SLC35D4: variants seen among roughly 807,000 people sequenced by gnomAD.
SLC35D4 encodes UDP-N-acetylglucosamine transporter SLC35D4.
the SLC35D4 span, among the ~76,000 whole-genome samples, chr18:23,417,070 C>T: frequency 1.3e-5 from 2 of 152,104 alleles, no homozygotes; most frequent in Admixed American, 6.6e-5. Flanking sequence ...TGCAAACCCC[C>T]ATCTCTACAG....
the SLC35D4 span, among the ~76,000 whole-genome samples, chr18:23,423,600 A>G: frequency 1.3e-5 from 2 of 152,218 alleles, no homozygotes; most frequent in Non-Finnish European, 2.9e-5. Context: ...ACCCCGGTCT[A>G]GTGAAAGTAA....
the SLC35D4 span, chr18:23,253,937 G>A: frequency 1.1e-5 from 17 of 1,613,696 alleles, no homozygotes; most frequent in Non-Finnish European, 1.4e-5. Context: ...TTTAATTGAC[G>A]TAAGTAGCCT....
the SLC35D4 span, chr18:23,371,406 T>C: frequency 1.9e-6 from 3 of 1,560,860 alleles, no homozygotes; most frequent in Non-Finnish European, 2.6e-6. Flanking sequence ...TACATAATAA[T>C]TCTTTTAAAA....
the SLC35D4 span, among the ~76,000 whole-genome samples, chr18:23,301,700 G>C: frequency 6.6e-6 from 1 of 152,046 alleles, no homozygotes; most frequent in African/African-American, 2.4e-5. Flanking sequence ...CAAAGAGAAG[G>C]GTGACTCTCC....
the SLC35D4 span, among the ~76,000 whole-genome samples, chr18:23,394,971 G>A: frequency 5.2e-5 from 3 of 57,678 alleles, no homozygotes; most frequent in Admixed American, 2.5e-4. Flanking sequence ...CAACAAAAGC[G>A]AAACTCCATC....
the SLC35D4 span, among the ~76,000 whole-genome samples, chr18:23,391,318 C>T: frequency 2.0e-4 from 31 of 152,098 alleles, no homozygotes; most frequent in Non-Finnish European, 3.4e-4. Flanking sequence ...TAACCAGAGA[C>T]GCATGGATTT....
the SLC35D4 span, among the ~76,000 whole-genome samples, chr18:23,266,792 G>C: frequency 6.6e-6 from 1 of 152,248 alleles, no homozygotes; most frequent in African/African-American, 2.4e-5. Context: ...CACCTGGACA[G>C]CTGCCCTCAA....
At chr18:23,380,076 G>A in the SLC35D4 span, among the ~76,000 whole-genome samples, 2 of 151,998 alleles carry the variant, frequency 1.3e-5, no homozygotes, top group Non-Finnish European at 2.9e-5. Context: ...CAGCCTGGGC[G>A]ACAGGGTGAG....
the SLC35D4 span, among the ~76,000 whole-genome samples, chr18:23,432,388 G>A: frequency 6.6e-6 from 1 of 152,168 alleles, no homozygotes; most frequent in Non-Finnish European, 1.5e-5. Context: ...GGTTCTTGAG[G>A]AAAGAGAAGG....
chr18:23,317,966 G>A, the SLC35D4 span, among the ~76,000 whole-genome samples: 4 of 152,114 alleles, frequency 2.6e-5, no homozygotes, highest in Non-Finnish European at 5.9e-5. Context: ...TCGAACTCCT[G>A]ACCTCAAATG....
the SLC35D4 span, among the ~76,000 whole-genome samples, chr18:23,353,709 A>C: frequency 6.6e-6 from 1 of 152,146 alleles, no homozygotes; most frequent in Admixed American, 6.5e-5. Flanking sequence ...CAAGTTACTC[A>C]CACCCAAAAG....
At chr18:23,431,153 C>CAAAAAAAAAAAAAAAAAAAAAAAAATAAA in the SLC35D4 span, among the ~76,000 whole-genome samples, 1 of 66,248 alleles carries the variant, frequency 1.5e-5, no homozygotes, top group African/African-American at 6.3e-5. Flanking sequence ...GAGTATATCT[C>CAAAAAAAAAAAAAAAAAAAAAAAAATAAA]AAAAAAAAAA....
chr18:23,358,088 C>T, the SLC35D4 span, among the ~76,000 whole-genome samples: 2 of 152,170 alleles, frequency 1.3e-5, no homozygotes, highest in Non-Finnish European at 2.9e-5. Context: ...AGAGAGTGGC[C>T]AGAGCCCTCC....
the SLC35D4 span, among the ~76,000 whole-genome samples, chr18:23,392,610 T>C: frequency 1.1e-3 from 175 of 152,254 alleles, 2 homozygotes; most frequent in East Asian, 0.024. Context: ...CCGGAGCTCC[T>C]CCAATTTGGC....
the SLC35D4 span, among the ~76,000 whole-genome samples, chr18:23,386,477 C>G: frequency 1.1e-4 from 17 of 152,100 alleles, no homozygotes; most frequent in Non-Finnish European, 2.1e-4. Flanking sequence ...CCGGGCCCAG[C>G]CCTGCCCACA....
the SLC35D4 span, among the ~76,000 whole-genome samples, chr18:23,365,100 G>C: frequency 6.6e-6 from 1 of 152,042 alleles, no homozygotes; most frequent in South Asian, 2.1e-4. Context: ...TTACCTGCTA[G>C]TATTTTATTT....
the SLC35D4 span, among the ~76,000 whole-genome samples, chr18:23,319,313 C>A: frequency 6.6e-6 from 1 of 151,586 alleles, no homozygotes; most frequent in East Asian, 1.9e-4. Flanking sequence ...CTCTGTTGCC[C>A]AGGCTGGAGT....
At chr18:23,300,859 C>T in the SLC35D4 span, among the ~76,000 whole-genome samples, 1 of 152,246 alleles carries the variant, frequency 6.6e-6, no homozygotes, top group African/African-American at 2.4e-5. Flanking sequence ...TTATTTTCAG[C>T]ACTTCTCCAG....
chr18:23,368,686 G>A, the SLC35D4 span: 2 of 1,265,376 alleles, frequency 1.6e-6, no homozygotes, highest in Non-Finnish European at 2.2e-6. Context: ...GATATGAATT[G>A]TTCTTTAAAA....
Sources: gnomAD v4.1 joint callset for allele counts (sites outside exome capture counted in the v4.1 genomes callset) on GRCh38, gnomAD v4.1.1 for gene constraint, MANE v1.5 for transcripts, NCBI Gene and HGNC (gene_info 2026-07-23, HGNC 2026-07-21) for gene names.